GSK3B: variants seen among roughly 807,000 people sequenced by gnomAD.
The protein encoded by GSK3B is glycogen synthase kinase-3 beta.
GSK3B carries 15 observed loss-of-function variants against 56.4 expected under a neutral mutation model. The observed-to-expected ratio is 0.27, with a 90% CI of 0.18 to 0.41. The LOEUF is 0.41. GSK3B is among the 10% of genes least tolerant of loss of function. The pLI, the probability that GSK3B is intolerant of heterozygous loss-of-function variation, is 1.00. For missense variants in GSK3B, 300 were observed against 513.4 expected (o/e 0.58, Z 4.02); for synonymous variants, 181 against 188.9 (o/e 0.96, Z 0.34).
At chr3:119,906,572 G>A (rs9856817) in intron 6 of GSK3B, among the ~76,000 whole-genome samples, 35,025 of 151,900 alleles carry the variant, frequency 0.23, 5,049 homozygotes, top group Non-Finnish European at 0.32. Context: ...ATGTTGTCCT[G>A]GGATAATTAT....
chr3:120,040,170 G>A (rs79906253), intron 1 of GSK3B, among the ~76,000 whole-genome samples: 5,246 of 152,322 alleles, frequency 0.034, 327 homozygotes, highest in African/African-American at 0.12. Context: ...GATTCTGGAG[G>A]TTAAAAGTGT....
chr3:120,052,502 A>G (rs889401362), intron 1 of GSK3B, among the ~76,000 whole-genome samples: 1 of 152,102 alleles, frequency 6.6e-6, no homozygotes, highest in Non-Finnish European at 1.5e-5. Flanking sequence ...CCCCCAACGC[A>G]CCCCAAGTAA....
chr3:119,836,674 C>A (rs907877598), intron 10 of GSK3B, among the ~76,000 whole-genome samples: 3 of 151,942 alleles, frequency 2.0e-5, no homozygotes, highest in African/African-American at 7.3e-5. Context: ...TTTTTATAAC[C>A]TCCTCCTATA....
At chr3:120,014,633 T>C (rs1429808529) in intron 1 of GSK3B, among the ~76,000 whole-genome samples, 1 of 152,222 alleles carries the variant, frequency 6.6e-6, no homozygotes, top group Non-Finnish European at 1.5e-5. Context: ...GTAAACTTCA[T>C]GTGATAAAAA....
At chr3:119,869,961 C>T (rs999314838) in intron 8 of GSK3B, among the ~76,000 whole-genome samples, 3 of 152,218 alleles carry the variant, frequency 2.0e-5, no homozygotes, top group African/African-American at 7.2e-5. Context: ...CCAATTTAAT[C>T]TTTCATTGTT....
At position 119,822,695 on chromosome 3, in the gene GSK3B, CAG is replaced by C; in HGVS notation, c.*4091_*4092del. 1 of 228,668 alleles carries C rather than the reference CAG, an allele frequency of 4.4e-6. No homozygotes were observed. Among genetic ancestry groups the C allele is most frequent in the Non-Finnish European group, 8.7e-6 (1 of 115,322 alleles). The allele number at this position is 228,668 out of a possible 1,614,324, so 14.2% of individuals were successfully genotyped here. A position where few individuals can be genotyped will look rare whatever the true frequency, so the allele number is the denominator to read the frequency against. On this transcript the variant is annotated 3_prime_UTR_variant, in exon 11 of 11. Transcript: ENST00000264235. ...TGGCTCAGGTTTCTACCAGAAAAGA[CAG>C]ATTTTATTGTAAAGCATACCTACTT...
At chr3:120,026,546 CACACACAA>C (rs369662613) in intron 1 of GSK3B, among the ~76,000 whole-genome samples, 92 of 121,716 alleles carry the variant, frequency 7.6e-4, no homozygotes, top group African/African-American at 2.9e-3. Context: ...CACACACACA[CACACACAA>C]ACACACACAC....
intron 8 of GSK3B, among the ~76,000 whole-genome samples, chr3:119,869,244 A>AAAAAAC (rs1559816083): frequency 1.3e-5 from 2 of 151,146 alleles, no homozygotes; most frequent in Non-Finnish European, 2.9e-5. Context: ...AAAAAAAAAA[A>AAAAAAC]AACATATATT....
intron 9 of GSK3B, among the ~76,000 whole-genome samples, chr3:119,854,513 C>A (rs1348877885): frequency 6.6e-6 from 1 of 152,130 alleles, no homozygotes; most frequent in Non-Finnish European, 1.5e-5. Flanking sequence ...CCTCTGTGTA[C>A]CTCTGGTAGA....
chr3:119,904,540 T>C (rs1367779765), intron 7 of GSK3B, among the ~76,000 whole-genome samples: 1 of 152,162 alleles, frequency 6.6e-6, no homozygotes, highest in Non-Finnish European at 1.5e-5. Flanking sequence ...CACTGACATC[T>C]AGCAAAACCA....
At chr3:119,905,234 C>T (rs1183561713) in intron 7 of GSK3B, among the ~76,000 whole-genome samples, 1 of 150,878 alleles carries the variant, frequency 6.6e-6, no homozygotes, top group Non-Finnish European at 1.5e-5. Flanking sequence ...TCATATAGAC[C>T]CAATAAATAA....
chr3:120,060,936 T>A (rs548258175), intron 1 of GSK3B, among the ~76,000 whole-genome samples: 1 of 152,360 alleles, frequency 6.6e-6, no homozygotes, highest in African/African-American at 2.4e-5. Flanking sequence ...TAATGCTTCA[T>A]TGCCAGCAAC....
At chr3:120,075,930 G>GA (rs998485048) in intron 1 of GSK3B, among the ~76,000 whole-genome samples, 37 of 147,694 alleles carry the variant, frequency 2.5e-4, no homozygotes, top group African/African-American at 6.0e-4. Flanking sequence ...CAATTCTGAG[G>GA]AAAAAAAAAA....
At chr3:119,997,551 T>C (rs1412518083) in intron 2 of GSK3B, among the ~76,000 whole-genome samples, 1 of 152,238 alleles carries the variant, frequency 6.6e-6, no homozygotes, top group African/African-American at 2.4e-5. Context: ...CTGCACATTC[T>C]GCCCAACTAA....
intron 1 of GSK3B, among the ~76,000 whole-genome samples, chr3:120,014,223 C>A (rs757593506): frequency 4.0e-5 from 6 of 151,810 alleles, no homozygotes; most frequent in Non-Finnish European, 7.4e-5. Context: ...GCAATCCCAG[C>A]ACTTTGGGAG....
intron 1 of GSK3B, among the ~76,000 whole-genome samples, chr3:120,040,711 T>C (rs1197359555): frequency 1.3e-5 from 2 of 151,948 alleles, no homozygotes; most frequent in Non-Finnish European, 2.9e-5. Flanking sequence ...CTAGGTCTCA[T>C]GTTAAAATAT....
intron 1 of GSK3B, among the ~76,000 whole-genome samples, chr3:120,083,104 C>A (rs1379050936): frequency 6.6e-6 from 1 of 151,608 alleles, no homozygotes; most frequent in Non-Finnish European, 1.5e-5. Flanking sequence ...GGGTATCTGC[C>A]CAAAAAGTAT....
intron 2 of GSK3B, among the ~76,000 whole-genome samples, chr3:119,972,913 T>C (rs541934277): frequency 6.6e-6 from 1 of 152,304 alleles, no homozygotes; most frequent in South Asian, 2.1e-4. Context: ...TTTGTTACAA[T>C]TGTTTGTCTA....
chr3:119,919,667 A>ATT (rs1212275420), intron 4 of GSK3B, among the ~76,000 whole-genome samples: 1 of 152,162 alleles, frequency 6.6e-6, no homozygotes, highest in East Asian at 1.9e-4. Flanking sequence ...GATGCCAGAT[A>ATT]TCTAGCTCAA....
Sources: allele counts gnomAD v4.1 joint callset (sites outside exome capture counted in the v4.1 genomes callset), GRCh38; gene constraint gnomAD v4.1.1; transcripts MANE v1.5; gene names NCBI Gene and HGNC (gene_info 2026-07-23, HGNC 2026-07-21).